Variants in OSBPL10 observed in about 807,000 individuals in gnomAD.
OSBPL10 encodes the protein oxysterol-binding protein-related protein 10.
OSBPL10 carries 49 observed loss-of-function variants against 81.7 expected under a neutral mutation model. The observed-to-expected ratio is 0.60, with a 90% CI of 0.48 to 0.76. The LOEUF (loss-of-function observed/expected upper bound fraction) is 0.76. Among genes scored for constraint, OSBPL10 ranks in the 30% least tolerant of loss-of-function variants. OSBPL10 has a pLI of 0.00. For missense variants in OSBPL10, 923 were observed against 987.8 expected, an observed-to-expected ratio of 0.93 and a Z score of 0.88; for synonymous variants, 419 against 383.6, an observed-to-expected ratio of 1.09 and a Z score of -1.08.
intron 5 of OSBPL10, among the ~76,000 whole-genome samples, chr3:31,746,679 CAA>C (rs11338301): frequency 5.3e-4 from 72 of 134,766 alleles, no homozygotes; most frequent in African/African-American, 8.2e-4. Flanking sequence ...AACTCTGTCT[CAA>C]AAAAAAAAAA....
intron 2 of OSBPL10, chr3:31,990,901 C>T: frequency 8.3e-6 from 13 of 1,575,422 alleles, no homozygotes; most frequent in African/African-American, 2.7e-5. Flanking sequence ...TTCACATTCA[C>T]ATCGCATTAG....
At chr3:31,714,377 CG>C (rs1474695723) in intron 6 of OSBPL10, among the ~76,000 whole-genome samples, 1 of 151,890 alleles carries the variant, frequency 6.6e-6, no homozygotes, top group African/African-American at 2.4e-5. Context: ...TGAGTTATTG[CG>C]GGGGCGCAGT....
chr3:31,802,562 A>C (rs1188076933), intron 4 of OSBPL10, among the ~76,000 whole-genome samples: 4 of 150,990 alleles, frequency 2.6e-5, no homozygotes, highest in African/African-American at 9.7e-5. Flanking sequence ...AAAAAAAAAA[A>C]AAAAAAAAAG....
intron 4 of OSBPL10, among the ~76,000 whole-genome samples, chr3:31,791,439 AT>A (rs1327045864): frequency 6.6e-6 from 1 of 152,210 alleles, no homozygotes; most frequent in Non-Finnish European, 1.5e-5. Context: ...ATCAGCGTGC[AT>A]TTCCCCTGAG....
intron 3 of OSBPL10, among the ~76,000 whole-genome samples, chr3:31,837,321 TTATATATATA>T (rs59797512): frequency 0.015 from 880 of 58,266 alleles, 5 homozygotes; most frequent in Admixed American, 0.027. Context: ...GATCCCCAAA[TTATATATATA>T]TATATATATA....
At chr3:31,746,828 T>TG (rs1298932490) in intron 5 of OSBPL10, among the ~76,000 whole-genome samples, 57 of 19,324 alleles carry the variant, frequency 2.9e-3, no homozygotes, top group Admixed American at 5.9e-3. Context: ...TGTTGTGGGG[T>TG]GGGGGGGAGG....
intron 2 of OSBPL10, 31 bp downstream of exon 2, chr3:31,879,624 T>G: frequency 1.3e-6 from 2 of 1,581,702 alleles, no homozygotes; most frequent in Non-Finnish European, 1.7e-6. Flanking sequence ...ACTAGAGGCC[T>G]GTCTGAAAAG....
chr3:31,754,535 T>C (rs535889766), intron 4 of OSBPL10, among the ~76,000 whole-genome samples: 1 of 152,126 alleles, frequency 6.6e-6, no homozygotes, highest in Non-Finnish European at 1.5e-5. Flanking sequence ...CACTGTATAC[T>C]ATAAACCAAA....
chr3:32,015,851 C>G (rs1385508026), intron 2 of OSBPL10, among the ~76,000 whole-genome samples: 1 of 152,198 alleles, frequency 6.6e-6, no homozygotes, highest in East Asian at 1.9e-4. Flanking sequence ...AAAAAATACT[C>G]GTCATCACTG....
At chr3:31,703,352 T>G (rs1259271192) in intron 6 of OSBPL10, among the ~76,000 whole-genome samples, 4 of 152,232 alleles carry the variant, frequency 2.6e-5, no homozygotes, top group Non-Finnish European at 4.4e-5. Flanking sequence ...TTATGATGCT[T>G]GCTTACATAT....
rs964639476 is a variant in OSBPL10, at chr3:31,801,016, AATAC to A, written c.729+29020_729+29023del. Among the ~76,000 whole-genome samples the A allele has an allele frequency of 1.4e-3, 194 of 139,506 alleles. 1 individual carries two copies. Among genetic ancestry groups the A allele is most frequent in the African/African-American group, 4.6e-3 (182 of 39,302 alleles). 91.5% of individuals were successfully genotyped at this position (139,506 alleles called of 152,430 possible). On this transcript the variant is annotated intron_variant, in intron 4 of 11. Transcript: ENST00000396556. ...ACCTTTTAAGTGGTCTTTTTTTTTT[AATAC>A]ATAAAGATAAGGCTACTGACATCAC...
intron 4 of OSBPL10, among the ~76,000 whole-genome samples, chr3:31,791,439 A>G (rs1699006596): frequency 6.6e-6 from 1 of 152,210 alleles, no homozygotes; most frequent in Admixed American, 6.5e-5. Context: ...ATCAGCGTGC[A>G]TTTCCCCTGA....
chr3:31,664,002 C>T (rs1453260415), intron 11 of OSBPL10, 77 bp downstream of exon 11: 1 of 1,613,734 alleles, frequency 6.2e-7, no homozygotes, highest in Non-Finnish European at 8.5e-7. Flanking sequence ...CTTGGGGGCT[C>T]AGCAAGAAAA....
At chr3:31,948,532 G>A (rs1314590397) in intron 1 of OSBPL10, among the ~76,000 whole-genome samples, 3 of 152,206 alleles carry the variant, frequency 2.0e-5, no homozygotes, top group Admixed American at 6.5e-5. Flanking sequence ...GACCACACTC[G>A]AGCAATAAAC....
At chr3:31,742,169 CAAAG>C (rs987139587) in intron 5 of OSBPL10, among the ~76,000 whole-genome samples, 6 of 152,182 alleles carry the variant, frequency 3.9e-5, no homozygotes, top group African/African-American at 1.2e-4. Context: ...GTATAACAGA[CAAAG>C]AAAGCAAAGG....
chr3:31,861,991 G>C (rs1279536334), intron 3 of OSBPL10, among the ~76,000 whole-genome samples: 3 of 152,076 alleles, frequency 2.0e-5, no homozygotes, highest in African/African-American at 4.8e-5. Flanking sequence ...GAGTGGCTCA[G>C]GGCTCTGAGC....
chr3:31,981,331 G>T, upstream of OSBPL10: 1 of 1,222,444 alleles, frequency 8.2e-7, no homozygotes, highest in South Asian at 3.1e-5. The surrounding 1 kb of genome is among the most constrained non-coding windows in gnomAD (Gnocchi z 4.5). Context: ...AAGAGGAGGA[G>T]GAGGCGAAGG....
At chr3:32,067,662 G>T (rs79748242) in intron 1 of OSBPL10, among the ~76,000 whole-genome samples, 2 of 152,052 alleles carry the variant, frequency 1.3e-5, no homozygotes, top group South Asian at 2.1e-4. Context: ...CCTTAAGAAG[G>T]TTCTTGTAAT....
intron 1 of OSBPL10, among the ~76,000 whole-genome samples, chr3:31,926,098 A>G (rs1458455229): frequency 6.6e-6 from 1 of 152,196 alleles, no homozygotes; most frequent in African/African-American, 2.4e-5. Context: ...TTCTAGTTCT[A>G]GTACACATGT....
Sources: allele counts gnomAD v4.1 joint callset (sites outside exome capture counted in the v4.1 genomes callset), GRCh38; gene constraint gnomAD v4.1.1; non-coding constraint Gnocchi (gnomAD v3.1); transcripts MANE v1.5; gene names NCBI Gene and HGNC (gene_info 2026-07-23, HGNC 2026-07-21).